The following CEP43 variants were observed in gnomAD, a reference collection of about 807,000 sequenced individuals.
The protein encoded by CEP43 is FGFR1 oncogene partner.
Under a neutral mutation model 52.6 loss-of-function variants are expected in CEP43, and 36 were observed. That is an observed-to-expected ratio of 0.68 (90% confidence interval 0.52 to 0.90). The LOEUF is 0.90. Among genes scored for constraint, CEP43 ranks in the 40% least tolerant of loss-of-function variants. The pLI, the probability that CEP43 is intolerant of heterozygous loss-of-function variation, is 0.00. For synonymous variants in CEP43, 192 were observed against 172.4 expected, an observed-to-expected ratio of 1.11 and a Z score of -0.89; for missense variants, 506 against 472.8, an observed-to-expected ratio of 1.07 and a Z score of -0.65.
rs1311204111 is a variant in CEP43 at position 167,033,957 on chromosome 6, A to G, written c.1111A>G (p.Asn371Asp). Residue 371 changes from asparagine to aspartate, a missense_variant, in exon 12 of 13, where the codon AAT becomes GAT. Coordinates refer to ENST00000366847, the MANE Select transcript of CEP43 (RefSeq NM_007045.4). ...CCTTTCTGTGGAAATAGATGACATC[A>G]ATACCAGTGATAAGGTATGGTGTTC... ...EDLSVEIDDINTSDKLDDLTQ... is the reference protein window; with the variant it reads ...EDLSVEIDDIDTSDKLDDLTQ... 3.2e-6 allele frequency: 5 copies of G among 1,539,222 alleles called. No homozygotes were observed. The East Asian group carries it at 1.1e-4, about 35-fold the overall frequency.
In CEP43 at chr6:167,051,841, CAAAA is replaced by C. The variant is rs1780873981; in HGVS notation, c.*11864_*11867del. 1 of 152,086 alleles carries C rather than the reference CAAAA, an allele frequency of 6.6e-6. No individual in the cohort carries two copies. Among genetic ancestry groups the C allele is most frequent in the African/African-American group, 2.4e-5 (1 of 41,404 alleles). The allele number at this position is 152,086 out of a possible 1,614,324, so 9.4% of individuals were successfully genotyped here. The stretch of plus-strand genomic sequence containing the variant: ...TTTTAGCCTATTTATATCTTTGAAT[CAAAA>C]GTTTGTCTCCTGTAGATAGCATATA... On this transcript the variant is annotated 3_prime_UTR_variant, in exon 13 of 13. Coordinates refer to ENST00000366847, the MANE Select transcript of CEP43 (RefSeq NM_007045.4).
intron 6 of CEP43, among the ~76,000 whole-genome samples, chr6:167,012,273 A>G (rs1373115081): frequency 6.6e-6 from 1 of 152,268 alleles, no homozygotes; most frequent in East Asian, 1.9e-4. Context: ...AAGGAATTTT[A>G]TACTTCATTT....
intron 1 of CEP43, 179 bp from the exon 2 acceptor site, chr6:166,999,881 A>T (rs1272891788): frequency 1.7e-6 from 1 of 581,962 alleles, no homozygotes; most frequent in East Asian, 3.0e-5. Context: ...CAGCGCGTCC[A>T]GCCGAAGCCT....
At chr6:166,999,961 A>T (rs1333695023) in intron 1 of CEP43, 99 bp from the exon 2 acceptor site, 3 of 1,021,318 alleles carry the variant, frequency 2.9e-6, no homozygotes, top group African/African-American at 1.6e-5. Flanking sequence ...CTGCCCTCCC[A>T]GCTCGTTGGC....
intron 6 of CEP43, 38 bp from the exon 7 acceptor site, chr6:167,013,470 T>C: frequency 6.5e-7 from 1 of 1,532,126 alleles, no homozygotes; most frequent in Non-Finnish European, 9.0e-7. Flanking sequence ...TAAAGATTTC[T>C]ATTTTGTGGT....
At chr6:167,034,105 G>T in intron 12 of CEP43, 134 bp downstream of exon 12, 1 of 459,158 alleles carries the variant, frequency 2.2e-6, no homozygotes, top group Non-Finnish European at 3.9e-6. Context: ...CAGAGACCTG[G>T]CTCGAGTTTA....
At chr6:167,012,162 T>G (rs1041294944) in intron 6 of CEP43, among the ~76,000 whole-genome samples, 1 of 152,250 alleles carries the variant, frequency 6.6e-6, no homozygotes, top group Admixed American at 6.5e-5. Context: ...TACCTTTCTT[T>G]TTTAAATGTC....
chr6:167,010,092 G>A (rs2128659628), intron 5 of CEP43, among the ~76,000 whole-genome samples: 1 of 152,354 alleles, frequency 6.6e-6, no homozygotes, highest in Non-Finnish European at 1.5e-5. Context: ...GTTACAGTCA[G>A]TCATAAAGGG....
chr6:167,049,832 A>G lies in CEP43; in HGVS notation c.*9854A>G, dbSNP rs542938000. On this transcript the variant is annotated 3_prime_UTR_variant, in exon 13 of 13. Transcript: ENST00000366847. ...GCACCATTTTATATCCCTACCAGCA[A>G]TGCATGAAGCTTCCAGTTTCTCCAC... is the stretch of plus-strand genomic sequence containing the variant. The G allele has an allele frequency of 2.6e-5, 4 of 152,358 alleles. No homozygotes were observed. The highest frequency in any genetic ancestry group is 9.6e-5 in the African/African-American group (4 of 41,584). The allele number at this position is 152,358 out of a possible 1,614,324, so 9.4% of individuals were successfully genotyped here.
At chr6:167,000,183 C>A in intron 2 of CEP43, 70 bp downstream of exon 2, 2 of 1,240,872 alleles carry the variant, frequency 1.6e-6, no homozygotes, top group Admixed American at 2.0e-5. Flanking sequence ...TAAAAACCGT[C>A]TTAAAAATAG....
chr6:167,030,256 T>C (rs553863810), intron 10 of CEP43, among the ~76,000 whole-genome samples: 23 of 152,360 alleles, frequency 1.5e-4, no homozygotes, highest in Admixed American at 5.2e-4. Context: ...CTCAGCTCAG[T>C]GTCCACCTCT....
intron 12 of CEP43, 45 bp downstream of exon 12, chr6:167,034,016 C>G (rs775650533): frequency 3.0e-5 from 26 of 866,556 alleles, no homozygotes; most frequent in Non-Finnish European, 4.7e-5. Flanking sequence ...TTTTTTTAAC[C>G]TATTTGTCGA....
In CEP43 at chr6:167,042,046, A is replaced by T; in HGVS notation, c.*2068A>T. On this transcript the variant is annotated 3_prime_UTR_variant, in exon 13 of 13. Coordinates refer to ENST00000366847, the MANE Select transcript of CEP43 (RefSeq NM_007045.4). ...ACCATGTTGGTCAGGCTGGTCTTGA[A>T]CTCCTGACCTCGTTCCTGCCTTAGC... is the stretch of plus-strand genomic sequence containing the variant. 1 of 695,660 alleles carries T rather than the reference A, an allele frequency of 1.4e-6. No individual in the cohort carries two copies. The highest frequency in any genetic ancestry group is 1.8e-6 in the Non-Finnish European group (1 of 560,362). The allele number at this position is 695,660 out of a possible 1,614,324, so 43.1% of individuals were successfully genotyped here. A position where few individuals can be genotyped will look rare whatever the true frequency, so the allele number is the denominator to read the frequency against.
chr6:167,020,908 C>CAAAAA (rs147460349), intron 7 of CEP43, among the ~76,000 whole-genome samples: 1 of 79,052 alleles, frequency 1.3e-5, no homozygotes, highest in East Asian at 3.6e-4. Context: ...GACTCTGTCT[C>CAAAAA]AAAAAAAAAA....
At chr6:167,038,430 A>G (rs919016594) in intron 12 of CEP43, among the ~76,000 whole-genome samples, 3 of 152,200 alleles carry the variant, frequency 2.0e-5, no homozygotes, top group Non-Finnish European at 4.4e-5. Context: ...ATCGTTTCCA[A>G]ATTATACATT....
intron 12 of CEP43, chr6:167,036,727 G>A (rs1780592277): frequency 1.0e-6 from 1 of 984,134 alleles, no homozygotes; most frequent in Non-Finnish European, 1.2e-6. Context: ...TATTTTTATA[G>A]TTTTGAACTA....
At chr6:167,014,414 T>G (rs1780049175) in intron 7 of CEP43, among the ~76,000 whole-genome samples, 1 of 152,214 alleles carries the variant, frequency 6.6e-6, no homozygotes, top group Admixed American at 6.5e-5. Flanking sequence ...AAAAATTGAC[T>G]AATCCAGTAG....
At chr6:167,009,801 A>C (rs1256850957) in intron 5 of CEP43, among the ~76,000 whole-genome samples, 1 of 151,942 alleles carries the variant, frequency 6.6e-6, no homozygotes, top group Non-Finnish European at 1.5e-5. Context: ...GCACCACTGC[A>C]CTCCAGCCTG....
chr6:167,021,255 T>G (rs1368748721), intron 7 of CEP43, among the ~76,000 whole-genome samples: 1 of 152,194 alleles, frequency 6.6e-6, no homozygotes, highest in African/African-American at 2.4e-5. Flanking sequence ...ACAAATTCAT[T>G]ATAATTTAGC....
Sources: gnomAD v4.1 joint callset for allele counts (sites outside exome capture counted in the v4.1 genomes callset) on GRCh38, gnomAD v4.1.1 for gene constraint, MANE v1.5 for transcripts, NCBI Gene and HGNC (gene_info 2026-07-23, HGNC 2026-07-21) for gene names.